PCDHGA3: variants seen among roughly 807,000 people sequenced by gnomAD.
PCDHGA3 encodes protocadherin gamma-A3.
In PCDHGA3, 40 loss-of-function variants were observed where a neutral mutation model predicts 58.5. The ratio of observed to expected loss-of-function variants is 0.68; its 90% CI spans 0.53 to 0.89. The LOEUF (loss-of-function observed/expected upper bound fraction) is 0.89, where lower values mean the gene tolerates loss of function less well. Ranked by LOEUF, PCDHGA3 falls within the 40% of genes least tolerant of loss-of-function variation. The pLI is 0.00. For synonymous variants in PCDHGA3, 530 were observed against 525.7 expected (o/e 1.01, Z -0.11); for missense variants, 1,223 against 1,195.9 (o/e 1.02, Z -0.33).
chr5:141,385,984 T>C (rs75507773), intron 1 of PCDHGA3: 11 of 152,336 alleles, frequency 7.2e-5, no homozygotes, highest in African/African-American at 1.7e-4. Context: ...CAATAAAATA[T>C]GTCAAATAAA....
At position 141,487,499 on chromosome 5, in the gene PCDHGA3, G is replaced by C; in HGVS notation, c.2425-7308G>C. 6.2e-7 allele frequency: 1 copy of C among 1,614,152 alleles called. No individual in the cohort carries two copies. The highest frequency in any genetic ancestry group is 1.3e-5 in the African/African-American group (1 of 75,042). ...CCACTCTCATGGCTGTACACCCTTG[G>C]CTTCTGCACCCACTCGGAGTGATAG... On this transcript the variant is annotated intron_variant, in intron 1 of 3. Coordinates refer to ENST00000253812, the MANE Select transcript of PCDHGA3 (RefSeq NM_018916.4). The surrounding 1 kb of genome is among the most constrained non-coding windows in gnomAD (Gnocchi z 5.0).
intron 1 of PCDHGA3, chr5:141,412,531 T>G (rs534627173): frequency 1.7e-4 from 26 of 152,304 alleles, no homozygotes; most frequent in African/African-American, 5.8e-4. Flanking sequence ...GTTACAATTA[T>G]AAAGCTTCAG....
chr5:141,383,928 T>C (rs543603315), intron 1 of PCDHGA3: 20 of 1,613,902 alleles, frequency 1.2e-5, no homozygotes, highest in Admixed American at 1.7e-5. Flanking sequence ...TAAATGATAA[T>C]GCTCCAGAAG....
intron 1 of PCDHGA3, among the ~76,000 whole-genome samples, chr5:141,386,387 C>T (rs1416257552): frequency 6.6e-6 from 1 of 152,092 alleles, no homozygotes; most frequent in Admixed American, 6.5e-5. Context: ...TAATTAAAAA[C>T]ACACTTTTAG....
intron 1 of PCDHGA3, chr5:141,356,275 T>C: frequency 6.4e-7 from 1 of 1,560,692 alleles, no homozygotes; most frequent in Non-Finnish European, 8.7e-7. Context: ...AGTCCAGGAA[T>C]CTTCTTCCCC....
In PCDHGA3 at chr5:141,432,508, G is replaced by A. The variant is rs1306067848; in HGVS notation, c.2425-62299G>A. ...TGGAGCTGGCTCCCCGCTCCGCAGA[G>A]CCCGGCTACCTGGTGACCAAGGTGG... On this transcript the variant is annotated intron_variant, in intron 1 of 3. Coordinates refer to ENST00000253812, the MANE Select transcript of PCDHGA3 (RefSeq NM_018916.4). This position sits in a 1 kb window ranked among gnomAD's most constrained non-coding sequence, Gnocchi z 6.0. The A allele has an allele frequency of 1.9e-6, 3 of 1,614,136 alleles. No individual in the cohort carries two copies. Among genetic ancestry groups the A allele is most frequent in the Non-Finnish European group, 2.5e-6 (3 of 1,180,034 alleles).
At chr5:141,407,175 C>T (rs752092856) in intron 1 of PCDHGA3, among the ~76,000 whole-genome samples, 39 of 152,166 alleles carry the variant, frequency 2.6e-4, no homozygotes, top group Non-Finnish European at 5.4e-4. Flanking sequence ...TTATGACATA[C>T]AGACATTTTA....
chr5:141,383,951 C>G lies in PCDHGA3; in HGVS notation c.2424+37494C>G, dbSNP rs1365918560. 5 of 1,613,676 alleles carry G rather than the reference C, an allele frequency of 3.1e-6. No homozygotes were observed. In the African/African-American group the frequency reaches 6.7e-5, roughly 22 times the overall value. On this transcript the variant is annotated intron_variant, in intron 1 of 3. Transcript: ENST00000253812. ...AATGCTCCAGAAGTGACTATGACGT[C>G]TTTAAGTAGCTCAATCCCTGAAGAC...
rs754034325 is a variant in PCDHGA3 at position 141,413,380 on chromosome 5, C to T, written c.2424+66923C>T. On this transcript the variant is annotated intron_variant, in intron 1 of 3. Coordinates refer to ENST00000253812, the MANE Select transcript of PCDHGA3 (RefSeq NM_018916.4). ...CCGGGAGCTGGCGGAGCGCGGAGTC[C>T]GCATAGTCTCCAGAGGTAGGACGCA... is the stretch of plus-strand genomic sequence containing the variant. 4 of 1,613,962 alleles carry T rather than the reference C, an allele frequency of 2.5e-6. No individual in the cohort carries two copies. In the Middle Eastern group the frequency reaches 5.0e-4, roughly 200 times the overall value.
At chr5:141,451,484 G>A (rs2098717067) in intron 1 of PCDHGA3, among the ~76,000 whole-genome samples, 1 of 152,194 alleles carries the variant, frequency 6.6e-6, no homozygotes, top group Admixed American at 6.5e-5. Flanking sequence ...CTTGCCATGT[G>A]GACCTCCATA....
intron 1 of PCDHGA3, chr5:141,361,134 C>T (rs774354989): frequency 4.3e-6 from 7 of 1,613,918 alleles, no homozygotes; most frequent in Non-Finnish European, 5.9e-6. Context: ...ACTGCAGTAT[C>T]CAAGTTGAAA....
At chr5:141,389,341 CT>C in intron 1 of PCDHGA3, 1 of 1,614,016 alleles carries the variant, frequency 6.2e-7, no homozygotes, top group Admixed American at 1.7e-5. Flanking sequence ...GGCCAAGTCT[CT>C]TACTGCATCA....
At chr5:141,437,205 A>G (rs1561884114) in intron 1 of PCDHGA3, among the ~76,000 whole-genome samples, 1 of 152,202 alleles carries the variant, frequency 6.6e-6, no homozygotes, top group African/African-American at 2.4e-5. Context: ...ATGTGTTTAC[A>G]TTTATTCTGA....
intron 1 of PCDHGA3, chr5:141,413,463 G>A: frequency 6.2e-7 from 1 of 1,614,128 alleles, no homozygotes; most frequent in African/African-American, 1.3e-5. Flanking sequence ...GGATAGACCG[G>A]GAGGAGCTCT....
intron 1 of PCDHGA3, chr5:141,365,864 G>C (rs753111294): frequency 2.0e-5 from 32 of 1,613,886 alleles, no homozygotes; most frequent in Non-Finnish European, 8.5e-7. Context: ...CTCTGACACC[G>C]GTGTCCTGTA....
chr5:141,361,093 G>A (rs1160500738), intron 1 of PCDHGA3: 2 of 1,613,846 alleles, frequency 1.2e-6, no homozygotes, highest in East Asian at 2.2e-5. Context: ...TCTGAGTATC[G>A]AAGCAAAAGA....
intron 1 of PCDHGA3, chr5:141,373,932 C>A: frequency 2.9e-6 from 2 of 688,010 alleles, no homozygotes; most frequent in Non-Finnish European, 4.5e-6. Context: ...GACGGGAAAG[C>A]AGGAAAGCTG....
chr5:141,495,878 T>C (rs2099764378), intron 2 of PCDHGA3, among the ~76,000 whole-genome samples: 1 of 152,184 alleles, frequency 6.6e-6, no homozygotes, highest in African/African-American at 2.4e-5. Context: ...TTCCTCTCTG[T>C]TCTTTGTCTC....
At chr5:141,495,896 CTCTG>C (rs1175207502) in intron 2 of PCDHGA3, among the ~76,000 whole-genome samples, 2 of 152,108 alleles carry the variant, frequency 1.3e-5, no homozygotes, top group Non-Finnish European at 2.9e-5. Flanking sequence ...CTCTCTTTGT[CTCTG>C]TCTCTGTATA....
Sources: allele counts gnomAD v4.1 joint callset (sites outside exome capture counted in the v4.1 genomes callset), GRCh38; gene constraint gnomAD v4.1.1; non-coding constraint Gnocchi (gnomAD v3.1); transcripts MANE v1.5; gene names NCBI Gene and HGNC (gene_info 2026-07-23, HGNC 2026-07-21).